GPM6B: variants seen among roughly 807,000 people sequenced by gnomAD.
GPM6B encodes glycoprotein M6B, also known as neuronal membrane glycoprotein M6-b.
GPM6B carries 4 observed loss-of-function variants against 27.2 expected under a neutral mutation model. That is an observed-to-expected ratio of 0.15 (90% CI 0.07 to 0.34). The LOEUF is 0.34. Ranked by LOEUF, GPM6B falls within the 10% of genes least tolerant of loss-of-function variation. GPM6B has a pLI of 1.00. For synonymous variants in GPM6B, 124 were observed against 103.1 expected (o/e 1.20, Z -1.23); for missense variants, 183 against 261.9 (o/e 0.70, Z 2.08).
chrX:13,923,876 TTC>T (rs1282103751), intron 1 of GPM6B, among the ~76,000 whole-genome samples: 1 of 112,430 alleles, frequency 8.9e-6, no homozygotes, highest in Non-Finnish European at 1.9e-5. Context: ...GATTTTTATT[TTC>T]TTTTTTATTT....
At chrX:13,781,726 T>G (rs983167878) in intron 4 of GPM6B, among the ~76,000 whole-genome samples, 2 of 111,809 alleles carry the variant, frequency 1.8e-5, no homozygotes, top group African/African-American at 6.5e-5. Flanking sequence ...ACGGAACCAA[T>G]GTACATCTTA....
intron 7 of GPM6B, chrX:13,773,325 T>A (rs2048337187): frequency 5.2e-6 from 1 of 191,559 alleles, no homozygotes; most frequent in African/African-American, 3.0e-5. Flanking sequence ...TTTTTTTTTT[T>A]TAATACCATT....
At chrX:13,860,684 A>G (rs1368451669) in intron 1 of GPM6B, among the ~76,000 whole-genome samples, 1 of 110,102 alleles carries the variant, frequency 9.1e-6, no homozygotes, top group Admixed American at 9.8e-5. Context: ...GTTTGGTTAC[A>G]TGAATAACTT....
intron 1 of GPM6B, chrX:13,812,884 G>A (rs1210378710): frequency 9.5e-6 from 1 of 105,704 alleles, no homozygotes; most frequent in East Asian, 2.9e-4. Context: ...ATGGCTCGTT[G>A]AGATCTTTTC....
At chrX:13,886,719 T>TAAAAAAAAAAAAGAAAAA (rs2050139085) in intron 1 of GPM6B, among the ~76,000 whole-genome samples, 1 of 35,106 alleles carries the variant, frequency 2.8e-5, no homozygotes, top group African/African-American at 1.9e-4. Flanking sequence ...AAGTCACTAC[T>TAAAAAAAAAAAAGAAAAA]AAAAAAAAAA....
At chrX:13,818,501 T>C (rs144030059), upstream of GPM6B, among the ~76,000 whole-genome samples, 453 of 112,696 alleles carry the variant, frequency 4.0e-3, 1 homozygote, top group South Asian at 0.023. Context: ...AACTTCTAGA[T>C]GTGTTACAGT....
intron 1 of GPM6B, among the ~76,000 whole-genome samples, chrX:13,931,273 A>G (rs141969633): frequency 0.019 from 2,078 of 111,105 alleles, 60 homozygotes; most frequent in African/African-American, 0.063. Context: ...TTGGGAGGCC[A>G]AGGCGGGCGG....
upstream of GPM6B, among the ~76,000 whole-genome samples, chrX:13,821,471 A>C (rs1002989291): frequency 8.9e-6 from 1 of 112,877 alleles, no homozygotes; most frequent in East Asian, 2.8e-4. Context: ...AATCCCATGT[A>C]GACCTCTATG....
intron 1 of GPM6B, among the ~76,000 whole-genome samples, chrX:13,827,271 CTTTT>C (rs1173680918): frequency 9.5e-5 from 7 of 73,642 alleles, no homozygotes; most frequent in African/African-American, 2.9e-4. Flanking sequence ...TACCGACTTC[CTTTT>C]TTTTTTTTTT....
intron 5 of GPM6B, among the ~76,000 whole-genome samples, chrX:13,777,673 T>G (rs1350866472): frequency 2.7e-5 from 3 of 112,714 alleles, no homozygotes; most frequent in African/African-American, 9.7e-5. Context: ...CCCTACAAAT[T>G]GTGCTTTATT....
chrX:13,773,924 C>T (rs1317155738), intron 7 of GPM6B: 1 of 692,935 alleles, frequency 1.4e-6, no homozygotes, highest in East Asian at 1.7e-4. Flanking sequence ...TTGTGTTGTA[C>T]CAAAAAAAAA....
chrX:13,874,215 TA>T (rs1373412395), intron 1 of GPM6B, among the ~76,000 whole-genome samples: 6 of 112,108 alleles, frequency 5.4e-5, no homozygotes, highest in African/African-American at 9.7e-5. Context: ...TTTCATTTTT[TA>T]AAAAGCCTAC....
chrX:13,810,744 T>TAAAAAAAAAAAAA (rs747466374), intron 1 of GPM6B, among the ~76,000 whole-genome samples: 1 of 80,683 alleles, frequency 1.2e-5, no homozygotes, highest in Non-Finnish European at 2.5e-5. Context: ...ATTCAGGATT[T>TAAAAAAAAAAAAA]AAAAAAAAAA....
chrX:13,904,202 A>T (rs922805520), intron 1 of GPM6B, among the ~76,000 whole-genome samples: 1 of 112,359 alleles, frequency 8.9e-6, no homozygotes, highest in African/African-American at 3.2e-5. Flanking sequence ...TGTAGAATAC[A>T]TATGTTCTGT....
rs192051094 is a variant in GPM6B at position 13,822,490 on chromosome X, C to T, written c.-197-36682G>A. Among the ~76,000 whole-genome samples, 997 of 110,870 alleles carry T rather than the reference C, an allele frequency of 9.0e-3. 11 individuals carry two copies. The highest frequency in any genetic ancestry group is 0.031 in the African/African-American group (946 of 30,477). ...AAGCGATTCTCCTGCTTCAGCCTCC[C>T]CAGTCGCTGGGACTACAGGCGTGGG... On this transcript the variant is annotated intron_variant, in intron 1 of 6. Transcript: ENST00000398361.
chrX:13,864,146 A>G (rs148665752), intron 1 of GPM6B, among the ~76,000 whole-genome samples: 2,202 of 112,381 alleles, frequency 0.02, 19 homozygotes, highest in Non-Finnish European at 0.027. Flanking sequence ...ACAAAGGACC[A>G]TGGGAAATCT....
intron 1 of GPM6B, 79 bp downstream of exon 1, chrX:13,816,765 G>A: frequency 9.1e-7 from 1 of 1,100,608 alleles, no homozygotes; most frequent in Non-Finnish European, 1.3e-6. Flanking sequence ...TTTTAAAAGA[G>A]AGACAAAACC....
chrX:13,894,180 A>C (rs1230432494), intron 1 of GPM6B, among the ~76,000 whole-genome samples: 2 of 111,967 alleles, frequency 1.8e-5, no homozygotes, highest in Non-Finnish European at 3.8e-5. Context: ...CAGGGAAGCA[A>C]AGCCCAGACA....
intron 2 of GPM6B, among the ~76,000 whole-genome samples, chrX:13,794,732 A>C (rs554336474): frequency 8.9e-6 from 1 of 111,747 alleles, no homozygotes. Flanking sequence ...CGATGCAATA[A>C]AAAATTATTA....
Sources: allele counts gnomAD v4.1 joint callset (sites outside exome capture counted in the v4.1 genomes callset), GRCh38; gene constraint gnomAD v4.1.1; transcripts MANE v1.5; gene names NCBI Gene and HGNC (gene_info 2026-07-23, HGNC 2026-07-21).